Variants in RBM27 observed in about 807,000 individuals in gnomAD.
The protein encoded by RBM27 is RNA binding motif protein 27.
In RBM27, 22 loss-of-function variants were observed where a neutral mutation model predicts 135.3. The observed-to-expected ratio is 0.16, with a 90% CI of 0.12 to 0.23. The LOEUF (loss-of-function observed/expected upper bound fraction) is 0.23. Among genes scored for constraint, RBM27 ranks in the 10% least tolerant of loss-of-function variants. The pLI, the probability that RBM27 is intolerant of heterozygous loss-of-function variation, is 1.00. For synonymous variants in RBM27, 481 were observed against 442.4 expected, an observed-to-expected ratio of 1.09 and a Z score of -1.10; for missense variants, 1,009 against 1,281.0, an observed-to-expected ratio of 0.79 and a Z score of 3.24.
chr5:146,228,939 C>T lies in RBM27; in HGVS notation c.304-7C>T. 6 of 1,611,116 alleles carry T rather than the reference C, an allele frequency of 3.7e-6. No individual in the cohort carries two copies. The highest frequency in any genetic ancestry group is 5.1e-6 in the Non-Finnish European group (6 of 1,177,802). Reference sequence around the variant, plus strand: ...TGCTCTTACTTCTACTCAATATTTTCATATAGGTATTTCAGGAGCCAGCAG... The same window carrying T: ...TGCTCTTACTTCTACTCAATATTTTTATATAGGTATTTCAGGAGCCAGCAG... On this transcript the variant is annotated splice_region_variant and splice_polypyrimidine_tract_variant and intron_variant, in intron 3 of 20. Transcript: ENST00000265271.
At chr5:146,253,100 C>T (rs1030361722) in intron 9 of RBM27, among the ~76,000 whole-genome samples, 1 of 152,078 alleles carries the variant, frequency 6.6e-6, no homozygotes, top group Non-Finnish European at 1.5e-5. Flanking sequence ...AGGGTCCAAG[C>T]GATTCTCCTG....
chr5:146,283,893 A>G (rs927688313), intron 19 of RBM27, among the ~76,000 whole-genome samples: 2 of 152,222 alleles, frequency 1.3e-5, no homozygotes, highest in Non-Finnish European at 2.9e-5. Flanking sequence ...TCTATAAATG[A>G]GGACCTTTGA....
chr5:146,267,634 TTC>T lies in RBM27; in HGVS notation c.2332-13_2332-12del. On this transcript the variant is annotated splice_polypyrimidine_tract_variant and intron_variant, in intron 14 of 20. Coordinates refer to ENST00000265271, the MANE Select transcript of RBM27 (RefSeq NM_018989.2). ...TTATATTTGTGTGTGCTTTTTTTTT[TTC>T]TTTATTTTTTAGATATTTTCAACTC... 1 of 1,486,696 alleles carries T rather than the reference TTC, an allele frequency of 6.7e-7. No individual in the cohort carries two copies. Among genetic ancestry groups the T allele is most frequent in the Non-Finnish European group, 9.2e-7 (1 of 1,091,048 alleles). 92.1% of individuals were successfully genotyped at this position (1,486,696 alleles called of 1,614,324 possible). A position where few individuals can be genotyped will look rare whatever the true frequency, so the allele number is the denominator to read the frequency against.
chr5:146,285,726 C>T (rs979540933), intron 20 of RBM27, among the ~76,000 whole-genome samples: 1 of 151,490 alleles, frequency 6.6e-6, no homozygotes, highest in African/African-American at 2.4e-5. Context: ...GTAGAAATCT[C>T]CTATTAAAAG....
chr5:146,235,873 G>T (rs1350923126), intron 7 of RBM27, among the ~76,000 whole-genome samples: 1 of 151,880 alleles, frequency 6.6e-6, no homozygotes, highest in Non-Finnish European at 1.5e-5. Context: ...GGACTTTTTT[G>T]TAGAGACAGG....
Position 146,233,577 on chromosome 5 carries a change from A to G in RBM27, c.978A>G (p.Pro326=), listed in dbSNP as rs767681261. The change falls in exon 7 of 21, where the codon CCA becomes CCG. Residue 326 remains proline, a synonymous_variant. Coordinates refer to ENST00000265271, the MANE Select transcript of RBM27 (RefSeq NM_018989.2). ...CCCCTCCTCCTGGGCTTCCTCCTCC[A>G]CCACCTCCTGGAATGTTAATGCCTC... The part of the protein sequence containing the change: ...FPPPPPGLPP[P]PPPGMLMPPM... 2.5e-6 allele frequency: 4 copies of G among 1,609,994 alleles called. No homozygotes were observed. The highest frequency in any genetic ancestry group is 1.7e-5 in the Admixed American group (1 of 59,544).
chr5:146,256,462 A>C (rs1471394450), intron 10 of RBM27, among the ~76,000 whole-genome samples: 3 of 150,938 alleles, frequency 2.0e-5, no homozygotes, highest in South Asian at 4.2e-4. Context: ...CGATTCTCCC[A>C]CCTCAGCCTC....
chr5:146,262,094 G>A (rs1758424422), intron 13 of RBM27, among the ~76,000 whole-genome samples: 2 of 152,128 alleles, frequency 1.3e-5, no homozygotes, highest in Non-Finnish European at 2.9e-5. Flanking sequence ...TAAAGTTTGA[G>A]ACCTGCTATT....
Position 146,258,544 on chromosome 5 carries a change from G to A in RBM27, c.1690G>A (p.Ala564Thr), listed in dbSNP as rs554168842. 8 of 1,592,990 alleles carry A rather than the reference G, an allele frequency of 5.0e-6. No individual in the cohort carries two copies. In the East Asian group the frequency reaches 1.1e-4, roughly 23 times the overall value. The stretch of plus-strand genomic sequence containing the variant: ...TCTTGAACCAGATAGTCGAAAAAGA[G>A]CTATGAGTGGTTTGGAAGGGCCACT... ...VVLEPDSRKRAMSGLEGPLTK... is the reference protein window; with the variant it reads ...VVLEPDSRKRTMSGLEGPLTK... Residue 564 changes from alanine to threonine, a missense_variant, in exon 11 of 21, where the codon GCT becomes ACT. By Grantham distance (58) the Ala-to-Thr change is moderately conservative. Transcript: ENST00000265271.
intron 8 of RBM27, among the ~76,000 whole-genome samples, chr5:146,238,923 G>A (rs1271874855): frequency 1.3e-5 from 2 of 152,028 alleles, no homozygotes; most frequent in African/African-American, 4.8e-5. Context: ...ACCTCATTAA[G>A]GTTGTTTTGA....
intron 1 of RBM27, among the ~76,000 whole-genome samples, chr5:146,217,464 GTTTTTTT>G (rs545963169): frequency 1.7e-4 from 12 of 70,744 alleles, no homozygotes; most frequent in African/African-American, 6.1e-4. Flanking sequence ...GCTGAAGCCT[GTTTTTTT>G]TTTTTTTTTT....
chr5:146,233,148 T>G (rs1355503545), intron 6 of RBM27, among the ~76,000 whole-genome samples: 1 of 152,254 alleles, frequency 6.6e-6, no homozygotes, highest in East Asian at 1.9e-4. Context: ...TTAAAATATC[T>G]GAGTTTTTAT....
At chr5:146,216,870 C>T (rs917479485) in intron 1 of RBM27, among the ~76,000 whole-genome samples, 2 of 152,138 alleles carry the variant, frequency 1.3e-5, no homozygotes, top group African/African-American at 4.8e-5. Context: ...ATTGCCCAAG[C>T]TGCTCTTGAA....
In RBM27 at chr5:146,263,074, G is replaced by A. The variant is rs188788961; in HGVS notation, c.2191-417G>A. Among the ~76,000 whole-genome samples, 333 of 152,014 alleles carry A rather than the reference G, an allele frequency of 2.2e-3. 4 individuals are homozygous for A. The highest frequency in any genetic ancestry group is 7.8e-3 in the African/African-American group (324 of 41,490). On this transcript the variant is annotated intron_variant, in intron 13 of 20. Coordinates refer to ENST00000265271, the MANE Select transcript of RBM27 (RefSeq NM_018989.2). Reference sequence around the variant, plus strand: ...AATTTTTGTATTTTTAGTAGAGACGGGGTTTCACCATGTTGGCCAGGCTGG... The same window carrying A: ...AATTTTTGTATTTTTAGTAGAGACGAGGTTTCACCATGTTGGCCAGGCTGG...
At chr5:146,282,410 C>A (rs1303462329) in intron 19 of RBM27, among the ~76,000 whole-genome samples, 3 of 152,172 alleles carry the variant, frequency 2.0e-5, no homozygotes, top group Non-Finnish European at 4.4e-5. Flanking sequence ...CACACCATTT[C>A]TCTTGGATAT....
chr5:146,269,580 C>A lies in RBM27; in HGVS notation c.2687C>A (p.Thr896Lys). ...VSTPSKVKTK[T>K]EAQKELLDTE... is the part of the protein sequence containing the mutation. ...ACACCATCTAAAGTGAAGACAAAAA[C>A]GGAGGTATCTATTTGCATTTTTTAT... is the stretch of plus-strand genomic sequence containing the variant. The change falls in exon 17 of 21, where the codon ACG (threonine) becomes AAG (lysine). Residue 896 changes from threonine (T) to lysine (K), a missense_variant. Physicochemically the swap from Thr to Lys is moderately conservative, Grantham distance 78 (BLOSUM62 -1). This residue lies in a region of RBM27 where 355 missense variants were observed against 427.3 expected (regional missense o/e 0.83). Coordinates refer to ENST00000265271, the MANE Select transcript of RBM27 (RefSeq NM_018989.2). 1 of 1,529,980 alleles carries A rather than the reference C, an allele frequency of 6.5e-7. No homozygotes were observed. Among genetic ancestry groups the A allele is most frequent in the Non-Finnish European group, 8.7e-7 (1 of 1,147,886 alleles). The allele number at this position is 1,529,980 out of a possible 1,614,324, so 94.8% of individuals were successfully genotyped here.
intron 17 of RBM27, 94 bp from the exon 18 acceptor site, chr5:146,270,860 A>G: frequency 2.6e-6 from 2 of 761,956 alleles, no homozygotes; most frequent in Non-Finnish European, 4.2e-6. Flanking sequence ...CTCATGTTCC[A>G]AAATACATGT....
intron 19 of RBM27, among the ~76,000 whole-genome samples, chr5:146,279,061 GTGTA>G (rs1759216568): frequency 6.6e-6 from 1 of 152,058 alleles, no homozygotes; most frequent in Non-Finnish European, 1.5e-5. Flanking sequence ...ATATTTAGAT[GTGTA>G]TGTGAGAGAA....
intron 1 of RBM27, among the ~76,000 whole-genome samples, chr5:146,211,464 CTTTTTTTTTTTTTTTT>C (rs57117642): frequency 8.0e-5 from 4 of 49,904 alleles, no homozygotes; most frequent in East Asian, 6.3e-4. Flanking sequence ...ATGGTCTTAT[CTTTTTTTTTTTTTTTT>C]TTTTTTTTTT....
Sources: gnomAD v4.1 joint callset for allele counts (sites outside exome capture counted in the v4.1 genomes callset) on GRCh38, gnomAD v4.1.1 for gene constraint, gnomAD v4.1.1 regional missense constraint, MANE v1.5 for transcripts, NCBI Gene and HGNC (gene_info 2026-07-23, HGNC 2026-07-21) for gene names.